Variants in ANKDD1A observed in about 807,000 individuals in gnomAD.
ANKDD1A encodes the protein ankyrin repeat and death domain containing 1A.
In ANKDD1A, 59 loss-of-function variants were observed where a neutral mutation model predicts 63.5. The observed-to-expected ratio is 0.93, with a 90% CI of 0.75 to 1.15. ANKDD1A has a LOEUF of 1.15. ANKDD1A is among the 50% of genes most tolerant of loss of function. ANKDD1A has a pLI of 0.00. For synonymous variants in ANKDD1A, 266 were observed against 263.9 expected (o/e 1.01, Z -0.08); for missense variants, 632 against 656.4 (o/e 0.96, Z 0.41).
In ANKDD1A at chr15:64,936,636, C is replaced by T. The variant is rs558809729; in HGVS notation, c.867+2402C>T. On this transcript the variant is annotated intron_variant, in intron 9 of 14. Transcript: ENST00000319580. Reference sequence around the variant, plus strand: ...GGAGGATCGCTTGAGTCCAGGAGTTCGAGACCAGCCTGGGCAGCATAGTGA... The same window carrying T: ...GGAGGATCGCTTGAGTCCAGGAGTTTGAGACCAGCCTGGGCAGCATAGTGA... Among the ~76,000 whole-genome samples the T allele has an allele frequency of 1.6e-3, 241 of 152,072 alleles. 1 individual carries two copies. Among genetic ancestry groups the T allele is most frequent in the Non-Finnish European group, 2.7e-3 (186 of 67,974 alleles).
chr15:64,953,794 T>TG (rs2085359392), intron 14 of ANKDD1A, among the ~76,000 whole-genome samples: 4 of 139,008 alleles, frequency 2.9e-5, no homozygotes, highest in African/African-American at 8.4e-5. Flanking sequence ...TCTTCTGCTT[T>TG]CTTCTTCCTT....
intron 9 of ANKDD1A, among the ~76,000 whole-genome samples, chr15:64,938,254 G>A (rs2085151387): frequency 6.6e-6 from 1 of 152,196 alleles, no homozygotes; most frequent in Non-Finnish European, 1.5e-5. Flanking sequence ...GCTGTGCATA[G>A]TGACTTCCTG....
rs1425353077 is a variant in ANKDD1A at position 64,952,046 on chromosome 15, TTTC to T, written c.1483+2083_1483+2085del. 7.2e-3 allele frequency among the ~76,000 whole-genome samples: 1,032 copies of T among 142,422 alleles called. 9 individuals carry two copies. Among genetic ancestry groups the T allele is most frequent in the African/African-American group, 0.023 (910 of 40,174 alleles). 93.4% of individuals were successfully genotyped at this position (142,422 alleles called of 152,430 possible). A position where few individuals can be genotyped will look rare whatever the true frequency, so the allele number is the denominator to read the frequency against. On this transcript the variant is annotated intron_variant, in intron 14 of 14. Coordinates refer to ENST00000319580, the MANE Select transcript of ANKDD1A (RefSeq NM_182703.6). ...TTCTTTTTCTTCTTCTTTCCTCTTC[TTTC>T]TTCTTCTTAGTTCTTCCTTTCTTCT... is the stretch of plus-strand genomic sequence containing the variant.
At chr15:64,936,200 G>A (rs773934780) in intron 9 of ANKDD1A, among the ~76,000 whole-genome samples, 7 of 151,728 alleles carry the variant, frequency 4.6e-5, no homozygotes, top group Non-Finnish European at 8.8e-5. Context: ...GAGAAGAAAG[G>A]CATCCTTGAT....
Position 64,936,797 on chromosome 15 carries a change from T to A in ANKDD1A, c.867+2563T>A, listed in dbSNP as rs1249220922. On this transcript the variant is annotated intron_variant, in intron 9 of 14. Transcript: ENST00000319580. ...AGGTTGAGGCTGCAGTGAGCTGTGA[T>A]CACACCACTGCACTCCAGCCTGGGT... Among the ~76,000 whole-genome samples, 3 of 152,240 alleles carry A rather than the reference T, an allele frequency of 2.0e-5. No homozygotes were observed. In the East Asian group the frequency reaches 5.8e-4, roughly 29 times the overall value.
intron 3 of ANKDD1A, chr15:64,920,086 T>A (rs948887700): frequency 1.3e-5 from 2 of 152,182 alleles, no homozygotes; most frequent in Non-Finnish European, 2.9e-5. Context: ...AAGACCCCTT[T>A]TCTTGGTACC....
rs2085257130 is a variant in ANKDD1A, at chr15:64,949,965, C to T, written c.1476C>T (p.Asp492=). Residue 492 remains aspartate, a synonymous_variant, in exon 14 of 15, where the codon GAC becomes GAT. Coordinates refer to ENST00000319580, the MANE Select transcript of ANKDD1A (RefSeq NM_182703.6). The stretch of plus-strand genomic sequence containing the variant: ...GCCTCGTGGCCATTGGCAGGAGGGA[C>T]CTGGCTGGTAAGAGCGTACTCTGCT... ...FEGLVAIGRR[D]LAGWSTMARS... 1.9e-6 allele frequency: 3 copies of T among 1,609,608 alleles called. No homozygotes were observed. The highest frequency in any genetic ancestry group is 2.7e-5 in the African/African-American group (2 of 74,942).
chr15:64,943,659 C>A, intron 11 of ANKDD1A, 77 bp downstream of exon 11: 2 of 1,231,556 alleles, frequency 1.6e-6, no homozygotes, highest in Non-Finnish European at 2.3e-6. Context: ...ACGAATGCCC[C>A]CTCCCTCCTC....
intron 9 of ANKDD1A, among the ~76,000 whole-genome samples, chr15:64,935,064 A>AT (rs551583630): frequency 1.3e-5 from 2 of 151,130 alleles, no homozygotes; most frequent in Admixed American, 6.6e-5. Context: ...TCTCTACAGA[A>AT]TTTTTTTTGA....
At chr15:64,950,623 A>G (rs1358864880) in intron 14 of ANKDD1A, 1 of 985,054 alleles carries the variant, frequency 1.0e-6, no homozygotes, top group African/African-American at 1.8e-5. Flanking sequence ...ATAGTTGTGA[A>G]GTCTCCATTA....
At chr15:64,913,663 C>G (rs1409106788) in intron 1 of ANKDD1A, among the ~76,000 whole-genome samples, 4 of 152,176 alleles carry the variant, frequency 2.6e-5, no homozygotes, top group Admixed American at 6.5e-5. Flanking sequence ...TCAAGATCCT[C>G]TTTCTCATCT....
At chr15:64,915,971 T>G (rs1048292174) in intron 2 of ANKDD1A, 71 bp downstream of exon 2, 3 of 1,448,850 alleles carry the variant, frequency 2.1e-6, no homozygotes, top group Admixed American at 1.9e-5. Flanking sequence ...ACAGGGGGAA[T>G]AGTTTATCTG....
At chr15:64,936,988 T>C (rs978405166) in intron 9 of ANKDD1A, among the ~76,000 whole-genome samples, 1 of 152,156 alleles carries the variant, frequency 6.6e-6, no homozygotes, top group Non-Finnish European at 1.5e-5. Flanking sequence ...AAATTAATAC[T>C]ACATGGAGAT....
intron 9 of ANKDD1A, among the ~76,000 whole-genome samples, chr15:64,937,621 A>G (rs980322744): frequency 1.3e-5 from 2 of 152,114 alleles, no homozygotes; most frequent in African/African-American, 4.8e-5. Context: ...CCAGCTATTC[A>G]GGAGGCTGAG....
At chr15:64,945,916 G>A (rs2085219614) in intron 12 of ANKDD1A, among the ~76,000 whole-genome samples, 1 of 151,952 alleles carries the variant, frequency 6.6e-6, no homozygotes, top group African/African-American at 2.4e-5. Flanking sequence ...ACAGGTGTGA[G>A]CCACCATGCC....
intron 14 of ANKDD1A, among the ~76,000 whole-genome samples, chr15:64,953,556 T>TC (rs2085346787): frequency 2.7e-3 from 218 of 80,252 alleles, no homozygotes; most frequent in Middle Eastern, 7.7e-3. Context: ...CTTCTCCTTC[T>TC]TTCTTCCTCC....
At chr15:64,934,017 G>T in intron 8 of ANKDD1A, 119 bp from the exon 9 acceptor site, 1 of 727,782 alleles carries the variant, frequency 1.4e-6, no homozygotes. Flanking sequence ...TCAGTTAAAT[G>T]GGGATAATAC....
intron 14 of ANKDD1A, among the ~76,000 whole-genome samples, chr15:64,953,506 CTCTTCCTTCTCCT>C (rs1313576054): frequency 2.0e-5 from 1 of 49,208 alleles, no homozygotes; most frequent in African/African-American, 6.7e-5. Context: ...GTTCTTCCTC[CTCTTCCTTCTCCT>C]TCTTCCTTCT....
chr15:64,949,334 C>T (rs2085250478), intron 13 of ANKDD1A, among the ~76,000 whole-genome samples: 1 of 152,200 alleles, frequency 6.6e-6, no homozygotes, highest in Admixed American at 6.5e-5. Context: ...GTGACATGGG[C>T]CCTAGGTGTT....
Sources: gnomAD v4.1 joint callset for allele counts (sites outside exome capture counted in the v4.1 genomes callset) on GRCh38, gnomAD v4.1.1 for gene constraint, MANE v1.5 for transcripts, NCBI Gene and HGNC (gene_info 2026-07-23, HGNC 2026-07-21) for gene names.